Variants in PDS5B observed in about 807,000 individuals in gnomAD.
PDS5B encodes the protein sister chromatid cohesion protein PDS5 homolog B.
PDS5B carries 51 observed loss-of-function variants against 184.1 expected under a neutral mutation model. The observed-to-expected ratio is 0.28, with a 90% confidence interval of 0.22 to 0.35. The LOEUF is 0.35. Among genes scored for constraint, PDS5B ranks in the 10% least tolerant of loss-of-function variants. PDS5B has a pLI of 1.00. For synonymous variants in PDS5B, 566 were observed against 569.2 expected, an observed-to-expected ratio of 0.99 and a Z score of 0.08; for missense variants, 1,180 against 1,723.3, an observed-to-expected ratio of 0.68 and a Z score of 5.58.
intron 25 of PDS5B, among the ~76,000 whole-genome samples, chr13:32,754,485 GACAA>G (rs1264652442): frequency 2.6e-5 from 4 of 152,066 alleles, no homozygotes; most frequent in Admixed American, 6.5e-5. Context: ...CCTGTTTCCA[GACAA>G]ACAAACAATG....
chr13:32,661,346 T>C (rs1428485028), intron 6 of PDS5B, among the ~76,000 whole-genome samples: 1 of 117,418 alleles, frequency 8.5e-6, no homozygotes, highest in East Asian at 2.5e-4. Flanking sequence ...ATTGTGCGAC[T>C]GCACACTCAA....
chr13:32,713,764 T>A (rs1423165358), intron 19 of PDS5B, among the ~76,000 whole-genome samples: 1 of 152,180 alleles, frequency 6.6e-6, no homozygotes, highest in Non-Finnish European at 1.5e-5. Context: ...ATAATAAATT[T>A]GTTCTGAATG....
intron 1 of PDS5B, among the ~76,000 whole-genome samples, chr13:32,607,380 T>C (rs2058076177): frequency 6.6e-6 from 1 of 152,212 alleles, no homozygotes; most frequent in Admixed American, 6.5e-5. Flanking sequence ...ACAGCAAATA[T>C]TGCAGAACGG....
intron 24 of PDS5B, among the ~76,000 whole-genome samples, chr13:32,751,619 A>ATC (rs1953983725): frequency 6.6e-6 from 1 of 152,068 alleles, no homozygotes; most frequent in Non-Finnish European, 1.5e-5. Flanking sequence ...GATGTTGAAC[A>ATC]TTTTTTCATA....
chr13:32,600,519 A>G (rs1190855001), intron 1 of PDS5B, among the ~76,000 whole-genome samples: 4 of 152,190 alleles, frequency 2.6e-5, no homozygotes, highest in Non-Finnish European at 2.9e-5. Flanking sequence ...TGGGTGGATC[A>G]CTTGAGGTGT....
Position 32,775,623 on chromosome 13 carries a change from C to T in PDS5B, c.*571C>T. ...TGGGCACCCTTAATCTTCAGAGGTG[C>T]TAAATTGTCTGCCATTACACCAGAA... is the stretch of plus-strand genomic sequence containing the variant. On this transcript the variant is annotated 3_prime_UTR_variant, in exon 35 of 35. Transcript: ENST00000315596. 2 of 455,990 alleles carry T rather than the reference C, an allele frequency of 4.4e-6. No homozygotes were observed. The highest frequency in any genetic ancestry group is 8.8e-6 in the Non-Finnish European group (2 of 226,568). 28.2% of individuals were successfully genotyped at this position (455,990 alleles called of 1,614,324 possible).
At chr13:32,774,606 G>C (rs1418329490) in intron 34 of PDS5B, among the ~76,000 whole-genome samples, 1 of 152,140 alleles carries the variant, frequency 6.6e-6, no homozygotes, top group Non-Finnish European at 1.5e-5. Context: ...TAATTGTTAA[G>C]ATCCAAACTC....
At chr13:32,631,118 C>CT (rs1344354114) in intron 1 of PDS5B, among the ~76,000 whole-genome samples, 168 of 87,424 alleles carry the variant, frequency 1.9e-3, no homozygotes, top group Middle Eastern at 7.1e-3. Flanking sequence ...TTTTTTCTTT[C>CT]TTTTTTTTTT....
chr13:32,595,537 G>A (rs751202376), intron 1 of PDS5B, among the ~76,000 whole-genome samples: 4 of 152,102 alleles, frequency 2.6e-5, no homozygotes, highest in Non-Finnish European at 5.9e-5. Flanking sequence ...GTAACACATA[G>A]CATGGGATTT....
At chr13:32,708,381 A>G (rs1458278099) in intron 18 of PDS5B, among the ~76,000 whole-genome samples, 1 of 152,158 alleles carries the variant, frequency 6.6e-6, no homozygotes, top group African/African-American at 2.4e-5. Context: ...CTATTGTTGA[A>G]TATTTTGATT....
chr13:32,659,530 G>A (rs1433319735), intron 6 of PDS5B, among the ~76,000 whole-genome samples: 2 of 152,082 alleles, frequency 1.3e-5, no homozygotes, highest in East Asian at 1.9e-4. Context: ...TGTATTTCAG[G>A]GAGTGAGTTA....
At chr13:32,589,099 CCT>C (rs1566225844) in intron 1 of PDS5B, among the ~76,000 whole-genome samples, 4 of 152,112 alleles carry the variant, frequency 2.6e-5, no homozygotes. Flanking sequence ...ATTTGTGTTT[CCT>C]CTGTTAGTGT....
chr13:32,699,969 A>G (rs1391940607), intron 16 of PDS5B, 100 bp downstream of exon 16: 1 of 1,108,530 alleles, frequency 9.0e-7, no homozygotes, highest in Non-Finnish European at 1.2e-6. Flanking sequence ...ATTAAATTTG[A>G]AAAATGTCAC....
chr13:32,756,089 C>T (rs1292847637), intron 26 of PDS5B, 133 bp downstream of exon 26: 1 of 506,736 alleles, frequency 2.0e-6, no homozygotes, highest in Admixed American at 4.0e-5. Context: ...TCTTTATTTG[C>T]TCTCTTGTCT....
intron 19 of PDS5B, among the ~76,000 whole-genome samples, chr13:32,713,679 A>G (rs567995996): frequency 6.6e-6 from 1 of 152,340 alleles, no homozygotes. Context: ...TGAATTGCAG[A>G]TAGTGAAAAA....
intron 1 of PDS5B, among the ~76,000 whole-genome samples, chr13:32,639,485 T>A (rs1186357643): frequency 6.6e-6 from 1 of 152,106 alleles, no homozygotes; most frequent in Non-Finnish European, 1.5e-5. Flanking sequence ...AGTCAAAAAA[T>A]TGTATGTTGA....
chr13:32,645,843 G>A (rs561395870), intron 1 of PDS5B, among the ~76,000 whole-genome samples: 8 of 152,066 alleles, frequency 5.3e-5, no homozygotes, highest in East Asian at 3.9e-4. Context: ...CCCTTTTTCC[G>A]TTAACATTTG....
chr13:32,635,001 C>CT (rs4057820), intron 1 of PDS5B, among the ~76,000 whole-genome samples: 6,010 of 129,054 alleles, frequency 0.047, 331 homozygotes, highest in African/African-American at 0.12. Flanking sequence ...CTTACTGCCT[C>CT]TTTTTTTTTT....
In PDS5B at chr13:32,775,966, GA is replaced by G. The variant is rs1232516319; in HGVS notation, c.*918del. ...TATTTCCTCTTGAACGTTATGTTCA[GA>G]AAATGCAAATTACACTATAATATAA... On this transcript the variant is annotated 3_prime_UTR_variant, in exon 35 of 35. Transcript: ENST00000315596. 5.2e-6 allele frequency: 1 copy of G among 190,812 alleles called. No individual in the cohort carries two copies. The highest frequency in any genetic ancestry group is 1.1e-5 in the Non-Finnish European group (1 of 91,198). 11.8% of individuals were successfully genotyped at this position (190,812 alleles called of 1,614,324 possible). A position where few individuals can be genotyped will look rare whatever the true frequency, so the allele number is the denominator to read the frequency against.
Sources: allele counts gnomAD v4.1 joint callset (sites outside exome capture counted in the v4.1 genomes callset), GRCh38; gene constraint gnomAD v4.1.1; transcripts MANE v1.5; gene names NCBI Gene and HGNC (gene_info 2026-07-23, HGNC 2026-07-21).